Variants in THSD1 observed in about 807,000 individuals in gnomAD.
THSD1 encodes the protein thrombospondin type-1 domain-containing protein 1.
Under a neutral mutation model 46.3 loss-of-function variants are expected in THSD1, and 34 were observed. That is an observed-to-expected ratio of 0.74 (90% CI 0.56 to 0.98). The LOEUF (loss-of-function observed/expected upper bound fraction) is 0.98, where lower values mean the gene tolerates loss of function less well. Ranked by LOEUF, THSD1 falls within the 50% of genes least tolerant of loss-of-function variation. THSD1 has a pLI of 0.00. For missense variants in THSD1, 1,023 were observed against 1,058.3 expected (o/e 0.97, Z 0.46); for synonymous variants, 407 against 416.5 (o/e 0.98, Z 0.28).
chr13:52,378,198 A>T lies in THSD1; in HGVS notation c.1772T>A (p.Phe591Tyr), dbSNP rs1052907614. The change falls in exon 5 of 5, where the codon TTT (phenylalanine) becomes TAT (tyrosine). Residue 591 changes from phenylalanine (F) to tyrosine (Y), a missense_variant. Physicochemically the swap from Phe to Tyr is conservative, Grantham distance 22 (BLOSUM62 3). Around this residue, in one of 3 missense-constraint regions of THSD1, gnomAD observed 578 missense variants for 497.4 expected, o/e 1.16. Coordinates refer to ENST00000258613, the MANE Select transcript of THSD1 (RefSeq NM_018676.4). ...AANKFRIKSP[F>Y]PEQPAVSAGE... The stretch of plus-strand genomic sequence containing the variant: ...GGCACTGACCGCGGGCTGCTCCGGA[A>T]ATGGGGATTTGATCCGGAACTTGTT... The T allele has an allele frequency of 1.2e-6, 2 of 1,614,078 alleles. No individual in the cohort carries two copies. The highest frequency in any genetic ancestry group is 1.7e-6 in the Non-Finnish European group (2 of 1,180,012).
chr13:52,392,556 T>C (rs1037597766), intron 3 of THSD1, among the ~76,000 whole-genome samples: 1 of 152,254 alleles, frequency 6.6e-6, no homozygotes, highest in African/African-American at 2.4e-5. Context: ...TAGACATCCA[T>C]ACATGTGCTC....
At chr13:52,404,146 C>A (rs917557863) in intron 1 of THSD1, among the ~76,000 whole-genome samples, 1 of 151,340 alleles carries the variant, frequency 6.6e-6, no homozygotes, top group Non-Finnish European at 1.5e-5. Flanking sequence ...CGGTGTTTCA[C>A]CACTTTGGCC....
At chr13:52,382,952 G>A (rs1211969854) in intron 4 of THSD1, among the ~76,000 whole-genome samples, 1 of 151,650 alleles carries the variant, frequency 6.6e-6, no homozygotes, top group Non-Finnish European at 1.5e-5. Context: ...CAGTGGTTGA[G>A]ATCATGCCAC....
At chr13:52,400,735 A>G (rs1678447918) in intron 2 of THSD1, among the ~76,000 whole-genome samples, 1 of 152,210 alleles carries the variant, frequency 6.6e-6, no homozygotes, top group South Asian at 2.1e-4. Context: ...ATCTACGACA[A>G]TACCTACTTT....
At chr13:52,380,866 C>T (rs1432881508) in intron 4 of THSD1, among the ~76,000 whole-genome samples, 1 of 152,100 alleles carries the variant, frequency 6.6e-6, no homozygotes, top group Non-Finnish European at 1.5e-5. Flanking sequence ...TGCCAACCAC[C>T]GTTCTACTCC....
At chr13:52,382,600 C>A (rs1216396514) in intron 4 of THSD1, among the ~76,000 whole-genome samples, 1 of 152,158 alleles carries the variant, frequency 6.6e-6, no homozygotes, top group Admixed American at 6.5e-5. Flanking sequence ...CTCCAGGTCT[C>A]TTAATGTGCC....
Position 52,377,690 on chromosome 13 carries a change from A to G in THSD1, c.2280T>C (p.Arg760=), listed in dbSNP as rs1235786757. The change falls in exon 5 of 5, where the codon CGT becomes CGC. Residue 760 remains arginine, a synonymous_variant. Transcript: ENST00000258613. ...TCTTGTGACTGGGGGACGGTCCCCG[A>G]CGAGCTCTGTGGGGCTCTGTTCTCT... is the stretch of plus-strand genomic sequence containing the variant. The part of the protein sequence containing the change: ...GIERTEPHRA[R]RGPSPSHKSV... The G allele has an allele frequency of 4.3e-6, 7 of 1,610,406 alleles. No individual in the cohort carries two copies. Among genetic ancestry groups the G allele is most frequent in the Non-Finnish European group, 5.9e-6 (7 of 1,177,154 alleles).
rs1957667374 is a variant in THSD1, at chr13:52,378,845, A to G, written c.1181-56T>C. 2.1e-6 allele frequency: 3 copies of G among 1,424,414 alleles called. No homozygotes were observed. The South Asian group carries it at 4.4e-5, about 21-fold the overall frequency. The allele number at this position is 1,424,414 out of a possible 1,614,324, so 88.2% of individuals were successfully genotyped here. A position where few individuals can be genotyped will look rare whatever the true frequency, so the allele number is the denominator to read the frequency against. ...ACAAAAAACACAGAGGAACAGATGT[A>G]TTTTTACTTTTTCTTTTCTTTTTTT... On this transcript the variant is annotated intron_variant, in intron 4 of 4. Coordinates refer to ENST00000258613, the MANE Select transcript of THSD1 (RefSeq NM_018676.4).
chr13:52,397,902 C>A lies in THSD1; in HGVS notation c.351G>T (p.Trp117Cys), dbSNP rs748435001. ...CCACCTTCAGAAAGGCACTTTTCTC[C>A]CACCAGGGGAATGGAGTGCTGTTGT... ...ATDNSTPFPW[W>C]EKSAFLKVEW... Residue 117 changes from tryptophan (W) to cysteine (C), a missense_variant, in exon 3 of 5, where the codon TGG (tryptophan) becomes TGT (cysteine). This residue lies in a region of THSD1 where 429 missense variants were observed against 518.3 expected (regional missense o/e 0.83). Transcript: ENST00000258613. 4.3e-6 allele frequency: 7 copies of A among 1,614,130 alleles called. No homozygotes were observed. Among genetic ancestry groups the A allele is most frequent in the Admixed American group, 1.7e-5 (1 of 60,012 alleles).
At chr13:52,399,422 T>A (rs1594104048) in intron 2 of THSD1, among the ~76,000 whole-genome samples, 1 of 152,318 alleles carries the variant, frequency 6.6e-6, no homozygotes, top group East Asian at 1.9e-4. Context: ...CTTGTGGAAG[T>A]ATGAATTTAT....
rs766057990 is a variant in THSD1, at chr13:52,378,026, G to C, written c.1944C>G (p.Ala648=). The change falls in exon 5 of 5, where the codon GCC becomes GCG. Residue 648 remains alanine, a synonymous_variant. Coordinates refer to ENST00000258613, the MANE Select transcript of THSD1 (RefSeq NM_018676.4). ...GPSERSHARN[A]HFRRTASFHE... ...GGAAACTCGCTGTCCTCCTGAAATG[G>C]GCGTTCCTGGCATGGCTCCTTTCGG... is the stretch of plus-strand genomic sequence containing the variant. 8.1e-6 allele frequency: 13 copies of C among 1,614,038 alleles called. No homozygotes were observed. Among genetic ancestry groups the C allele is most frequent in the Non-Finnish European group, 1.1e-5 (13 of 1,180,046 alleles).
intron 1 of THSD1, 109 bp from the exon 2 acceptor site, chr13:52,402,790 A>C: frequency 7.2e-7 from 1 of 1,384,142 alleles, no homozygotes; most frequent in South Asian, 1.7e-5. Context: ...AGTGATATTG[A>C]AAGGAAACTA....
chr13:52,402,849 CT>C, intron 1 of THSD1, 168 bp from the exon 2 acceptor site: 1 of 981,882 alleles, frequency 1.0e-6, no homozygotes, highest in Non-Finnish European at 1.2e-6. Flanking sequence ...TTATACAAGC[CT>C]TTTTCATTCC....
At chr13:52,403,695 A>G (rs909173493) in intron 1 of THSD1, among the ~76,000 whole-genome samples, 5 of 152,004 alleles carry the variant, frequency 3.3e-5, no homozygotes, top group African/African-American at 1.2e-4. Flanking sequence ...GTTAGGCAGG[A>G]TCTCGATCTC....
chr13:52,390,441 A>C (rs1957765304), intron 3 of THSD1, among the ~76,000 whole-genome samples: 1 of 152,178 alleles, frequency 6.6e-6, no homozygotes, highest in Admixed American at 6.5e-5. Context: ...AGGACTACAA[A>C]CCAGTATCCT....
chr13:52,398,297 G>T, intron 2 of THSD1, 103 bp from the exon 3 acceptor site: 1 of 1,491,518 alleles, frequency 6.7e-7, no homozygotes, highest in South Asian at 1.4e-5. Flanking sequence ...TTGAGACAGG[G>T]TCTCATGCTG....
rs1456337248 is a variant in THSD1 at position 52,378,166 on chromosome 13, T to C, written c.1804A>G (p.Arg602Gly). 1.9e-6 allele frequency: 3 copies of C among 1,614,004 alleles called. No individual in the cohort carries two copies. The highest frequency in any genetic ancestry group is 2.5e-6 in the Non-Finnish European group (3 of 1,180,012). The change falls in exon 5 of 5, where the codon AGG becomes GGG. Residue 602 changes from arginine to glycine, a missense_variant. This residue lies in a region of THSD1 where 578 missense variants were observed against 497.4 expected (regional missense o/e 1.16). Transcript: ENST00000258613. The stretch of plus-strand genomic sequence containing the variant: ...TTTAGATCCAGCCTGGAGGGAGGCC[T>C]TTCCCCGGCACTGACCGCGGGCTGC... ...PEQPAVSAGE[R>G]PPSRLDLNVT...
chr13:52,381,675 C>T (rs1454550456), intron 4 of THSD1, among the ~76,000 whole-genome samples: 1 of 152,184 alleles, frequency 6.6e-6, no homozygotes, highest in Non-Finnish European at 1.5e-5. Flanking sequence ...TTCTAGGACT[C>T]CTTTGTCCAG....
chr13:52,402,516 A>G (rs1431119273), intron 2 of THSD1, 27 bp downstream of exon 2: 17 of 1,603,518 alleles, frequency 1.1e-5, no homozygotes, highest in Non-Finnish European at 1.4e-5. Flanking sequence ...TGCTACCAGT[A>G]GCGTTAAGTA....
Sources: allele counts gnomAD v4.1 joint callset (sites outside exome capture counted in the v4.1 genomes callset), GRCh38; gene constraint gnomAD v4.1.1; regional missense constraint gnomAD v4.1.1; transcripts MANE v1.5; gene names NCBI Gene and HGNC (gene_info 2026-07-23, HGNC 2026-07-21).